Variants in BRCA1 observed in about 807,000 individuals in gnomAD.
BRCA1 encodes breast cancer type 1 susceptibility protein.
In BRCA1, 140 loss-of-function variants were observed where a neutral mutation model predicts 173.7. The ratio of observed to expected loss-of-function variants is 0.81; its 90% confidence interval spans 0.70 to 0.93. BRCA1 has a LOEUF of 0.93. Ranked by LOEUF, BRCA1 falls within the 40% of genes least tolerant of loss-of-function variation. The pLI is 0.00. For synonymous variants in BRCA1, 662 were observed against 756.0 expected, an observed-to-expected ratio of 0.88 and a Z score of 2.04; for missense variants, 1,983 against 2,172.5, an observed-to-expected ratio of 0.91 and a Z score of 1.73.
chr17:43,151,499 A>C (rs1440946867), intron 1 of BRCA1, among the ~76,000 whole-genome samples: 2 of 152,210 alleles, frequency 1.3e-5, no homozygotes, highest in Non-Finnish European at 2.9e-5. Flanking sequence ...AAACAAAAAC[A>C]AAAACAAAAA....
intron 14 of BRCA1, among the ~76,000 whole-genome samples, chr17:43,073,176 C>T (rs2052532948): frequency 6.6e-6 from 1 of 151,886 alleles, no homozygotes; most frequent in African/African-American, 2.4e-5. Context: ...AACCCCACCC[C>T]AAATTATCTT....
chr17:43,097,407 G>A, intron 7 of BRCA1, 118 bp from the exon 8 acceptor site: 1 of 906,630 alleles, frequency 1.1e-6, no homozygotes. Context: ...AGCATCTACT[G>A]TGGCAGGTAC....
chr17:43,100,688 T>TATTATATATATATATAAC (rs2054428804), intron 6 of BRCA1, among the ~76,000 whole-genome samples: 1 of 98,824 alleles, frequency 1.0e-5, no homozygotes, highest in African/African-American at 4.5e-5. Flanking sequence ...AATATATATA[T>TATTATATATATATATAAC]ATATATATAT....
At chr17:43,111,431 A>G (rs1417800203) in intron 3 of BRCA1, among the ~76,000 whole-genome samples, 1 of 151,796 alleles carries the variant, frequency 6.6e-6, no homozygotes, top group African/African-American at 2.4e-5. Flanking sequence ...GAGGCAGGAG[A>G]TTTGCTTGAA....
chr17:43,084,127 T>C (rs2053137058), intron 11 of BRCA1, among the ~76,000 whole-genome samples: 1 of 151,660 alleles, frequency 6.6e-6, no homozygotes, highest in Admixed American at 6.6e-5. Context: ...GCCTCCCAGG[T>C]TCAAGCCATT....
At chr17:43,128,089 TCTC>T (rs2055930628), upstream of BRCA1, among the ~76,000 whole-genome samples, 1 of 149,554 alleles carries the variant, frequency 6.7e-6, no homozygotes, top group African/African-American at 2.5e-5. Context: ...CCCGCTCTGG[TCTC>T]CTTCCACGCT....
chr17:43,169,701 C>T (rs756861721), intron 1 of BRCA1, among the ~76,000 whole-genome samples: 3 of 151,954 alleles, frequency 2.0e-5, no homozygotes, highest in Non-Finnish European at 2.9e-5. Context: ...CACTTTCCCC[C>T]GCCCGTCCCC....
At chr17:43,063,475 GAC>G (rs2153573069) in intron 17 of BRCA1, 102 bp from the exon 18 acceptor site, 1 of 970,300 alleles carries the variant, frequency 1.0e-6, no homozygotes, top group Non-Finnish European at 1.6e-6. Flanking sequence ...CAGGAAGAAT[GAC>G]AGAGGAGAGG....
At chr17:43,158,730 T>C (rs1354309321) in intron 1 of BRCA1, among the ~76,000 whole-genome samples, 1 of 152,202 alleles carries the variant, frequency 6.6e-6, no homozygotes, top group Non-Finnish European at 1.5e-5. Flanking sequence ...CTACTGAATA[T>C]ACAGATGTAC....
intron 1 of BRCA1, among the ~76,000 whole-genome samples, chr17:43,134,249 G>A (rs1281221147): frequency 6.6e-6 from 1 of 151,996 alleles, no homozygotes; most frequent in African/African-American, 2.4e-5. Flanking sequence ...CCTCTCCTCC[G>A]CCCCCCTCCT....
intron 1 of BRCA1, chr17:43,145,326 TTTC>T: frequency 8.0e-6 from 4 of 499,728 alleles, no homozygotes; most frequent in African/African-American, 2.2e-5. Context: ...ATTTTTTTTC[TTTC>T]TTTTTTTTTT....
intron 13 of BRCA1, among the ~76,000 whole-genome samples, chr17:43,075,177 T>G (rs1488649644): frequency 6.6e-5 from 10 of 152,156 alleles, no homozygotes; most frequent in Admixed American, 4.6e-4. Context: ...AATATTCTAC[T>G]TGAGTCTAAA....
At chr17:43,111,257 T>C (rs1172513260) in intron 3 of BRCA1, among the ~76,000 whole-genome samples, 4 of 152,138 alleles carry the variant, frequency 2.6e-5, no homozygotes, top group Non-Finnish European at 4.4e-5. Context: ...AGGTGGCTCA[T>C]GCCTGTAATC....
chr17:43,153,330 G>T (rs898741488), intron 1 of BRCA1, among the ~76,000 whole-genome samples: 2 of 152,170 alleles, frequency 1.3e-5, no homozygotes, highest in African/African-American at 2.4e-5. Context: ...AAAATTAACT[G>T]CCTGTTTTTC....
intron 11 of BRCA1, among the ~76,000 whole-genome samples, chr17:43,085,609 T>TG (rs2053198797): frequency 6.6e-6 from 1 of 152,140 alleles, no homozygotes; most frequent in Admixed American, 6.6e-5. Flanking sequence ...TTACCTTACT[T>TG]GCTGCCACTC....
chr17:43,062,283 CAG>C (rs1487178676), intron 18 of BRCA1, among the ~76,000 whole-genome samples: 2 of 152,036 alleles, frequency 1.3e-5, no homozygotes, highest in Admixed American at 6.6e-5. Flanking sequence ...TTTGTGGAGA[CAG>C]AGTCTCACTA....
In BRCA1 at chr17:43,114,048, C is replaced by T. The variant is rs8176107; in HGVS notation, c.134+1678G>A. ...CGAGATCACACCACTGCACTCCAGC[C>T]TGGGCAATAGAGTGAAACACCATCT... On this transcript the variant is annotated intron_variant, in intron 3 of 22. Transcript: ENST00000357654. 4.0e-5 allele frequency among the ~76,000 whole-genome samples: 6 copies of T among 150,892 alleles called. No individual in the cohort carries two copies. In the South Asian group the frequency reaches 1.2e-3, roughly 31 times the overall value.
intron 3 of BRCA1, chr17:43,110,634 A>G: frequency 2.6e-6 from 1 of 380,226 alleles, no homozygotes; most frequent in East Asian, 7.5e-5. Context: ...AGTTACATTT[A>G]TTGCTCACAT....
In BRCA1 at chr17:43,082,520, A is replaced by G. The variant is rs878854951; in HGVS notation, c.4241T>C (p.Leu1414Pro). ...CCCATGCTGTTCTAACACAGCTTCTAGTTCAGCCATTTCCTGCTGGAGCTT... is the reference window on the plus strand; with the variant it reads ...CCCATGCTGTTCTAACACAGCTTCTGGTTCAGCCATTTCCTGCTGGAGCTT... ...LIKLQQEMAE[L>P]EAVLEQHGSQ... The change falls in exon 12 of 23, where the codon CTA (leucine) becomes CCA (proline). Residue 1414 changes from leucine to proline, a missense_variant. Leu to Pro is a moderately conservative substitution (Grantham distance 98). Coordinates refer to ENST00000357654, the MANE Select transcript of BRCA1 (RefSeq NM_007294.4). 6.2e-7 allele frequency: 1 copy of G among 1,614,104 alleles called. No individual in the cohort carries two copies. Among genetic ancestry groups the G allele is most frequent in the African/African-American group, 1.3e-5 (1 of 74,950 alleles).
Sources: allele counts gnomAD v4.1 joint callset (sites outside exome capture counted in the v4.1 genomes callset), GRCh38; gene constraint gnomAD v4.1.1; transcripts MANE v1.5; gene names NCBI Gene and HGNC (gene_info 2026-07-23, HGNC 2026-07-21).